COIL: variants seen among roughly 807,000 people sequenced by gnomAD.
The protein encoded by COIL is coilin.
In COIL, 28 loss-of-function variants were observed where a neutral mutation model predicts 51.6. The observed-to-expected ratio is 0.54, with a 90% CI of 0.40 to 0.74. COIL has a LOEUF of 0.74. COIL is among the 30% of genes least tolerant of loss of function. The probability of loss-of-function intolerance (pLI) is 0.00; values close to 1 mark genes in which losing one functional copy is unlikely to be tolerated. For missense variants in COIL, 667 were observed against 685.9 expected, an observed-to-expected ratio of 0.97 and a Z score of 0.31; for synonymous variants, 233 against 255.8, an observed-to-expected ratio of 0.91 and a Z score of 0.85.
intron 5 of COIL, among the ~76,000 whole-genome samples, chr17:56,945,020 T>TAAACAAAC (rs56914949): frequency 2.2e-5 from 3 of 139,326 alleles, no homozygotes; most frequent in East Asian, 2.2e-4. Flanking sequence ...GTCTCAAAAA[T>TAAACAAAC]AAACAAACAA....
Position 56,938,988 on chromosome 17 carries a change from C to T in COIL, c.*83G>A, listed in dbSNP as rs1755870989. The stretch of plus-strand genomic sequence containing the variant: ...AAAAAATCCATACAACTTCCAAATC[C>T]TCTTTAAAAAAAAAAAAAAGTTTGG... On this transcript the variant is annotated 3_prime_UTR_variant, in exon 7 of 7. Coordinates refer to ENST00000240316, the MANE Select transcript of COIL (RefSeq NM_004645.3). 1.4e-6 allele frequency: 1 copy of T among 718,342 alleles called. No homozygotes were observed. The highest frequency in any genetic ancestry group is 2.4e-6 in the Non-Finnish European group (1 of 423,550). 44.5% of individuals were successfully genotyped at this position (718,342 alleles called of 1,614,324 possible).
At chr17:56,947,344 C>CA (rs1410721399) in intron 4 of COIL, among the ~76,000 whole-genome samples, 1 of 151,858 alleles carries the variant, frequency 6.6e-6, no homozygotes, top group African/African-American at 2.4e-5. Flanking sequence ...GAGGTCAAAG[C>CA]AAAAAAGTAG....
chr17:56,950,648 C>A lies in COIL; in HGVS notation c.594G>T (p.Lys198Asn). Residue 198 changes from lysine to asparagine, a missense_variant, in exon 2 of 7, where the codon AAG (lysine) becomes AAT (asparagine). Coordinates refer to ENST00000240316, the MANE Select transcript of COIL (RefSeq NM_004645.3). Reference sequence around the variant, plus strand: ...CCTGTACTTTCGGAGACTTGGGATTCTTAGCCTTTTTTTTATATTCACATT... The same window carrying A: ...CCTGTACTTTCGGAGACTTGGGATTATTAGCCTTTTTTTTATATTCACATT... ...KEKCEYKKKA[K>N]NPKSPKVQAV... 2 of 1,610,786 alleles carry A rather than the reference C, an allele frequency of 1.2e-6. No individual in the cohort carries two copies. Among genetic ancestry groups the A allele is most frequent in the South Asian group, 2.2e-5 (2 of 90,094 alleles).
chr17:56,953,222 T>C lies in COIL; in HGVS notation c.246-2226A>G, dbSNP rs529686502. On this transcript the variant is annotated intron_variant, in intron 1 of 6. Transcript: ENST00000240316. ...GTCAGGAGATCGAGACCATCCTGGC[T>C]AACACAGTGAAACCCCGTCTCTACT... Among the ~76,000 whole-genome samples the C allele has an allele frequency of 5.4e-4, 82 of 151,806 alleles. No homozygotes were observed. The East Asian group carries it at 0.011, about 21-fold the overall frequency.
intron 1 of COIL, among the ~76,000 whole-genome samples, chr17:56,955,533 C>T (rs755004490): frequency 2.0e-4 from 31 of 152,180 alleles, no homozygotes; most frequent in Non-Finnish European, 3.5e-4. Context: ...CCAAGGCCAA[C>T]GTGAATGCCT....
At chr17:56,951,097 T>A (rs1910362237) in intron 1 of COIL, 101 bp from the exon 2 acceptor site, 3 of 1,141,830 alleles carry the variant, frequency 2.6e-6, no homozygotes, top group Non-Finnish European at 3.6e-6. Flanking sequence ...GTAACTACCA[T>A]CAGTCAATGA....
At chr17:56,949,303 C>G in intron 4 of COIL, 84 bp downstream of exon 4, 1 of 1,062,186 alleles carries the variant, frequency 9.4e-7, no homozygotes, top group Non-Finnish European at 1.3e-6. Flanking sequence ...AAAAACAAAT[C>G]TGTATTATCC....
chr17:56,947,136 A>G (rs1910266126), intron 4 of COIL, among the ~76,000 whole-genome samples: 4 of 152,128 alleles, frequency 2.6e-5, no homozygotes, highest in Admixed American at 2.6e-4. Context: ...GGGGGTATAT[A>G]CTGAGAGGCC....
At chr17:56,953,163 G>GGC (rs1910405993) in intron 1 of COIL, among the ~76,000 whole-genome samples, 1 of 151,952 alleles carries the variant, frequency 6.6e-6, no homozygotes, top group Non-Finnish European at 1.5e-5. Flanking sequence ...TGTAATCCCA[G>GGC]CACTTTGGGA....
intron 4 of COIL, among the ~76,000 whole-genome samples, chr17:56,948,063 C>A (rs1413049488): frequency 6.6e-6 from 1 of 151,912 alleles, no homozygotes; most frequent in East Asian, 1.9e-4. Context: ...AAACAAAACA[C>A]CAACGACCTA....
At chr17:56,942,862 G>A (rs1350324800) in intron 5 of COIL, among the ~76,000 whole-genome samples, 1 of 152,120 alleles carries the variant, frequency 6.6e-6, no homozygotes, top group African/African-American at 2.4e-5. Context: ...AAATGACTGT[G>A]CAAGCTGAAA....
At chr17:56,957,639 T>A (rs118111544) in intron 1 of COIL, among the ~76,000 whole-genome samples, 5,980 of 151,670 alleles carry the variant, frequency 0.039, 137 homozygotes, top group Non-Finnish European at 0.053. Flanking sequence ...ATAAATAAAT[T>A]AATTAATTAA....
At position 56,950,171 on chromosome 17, in the gene COIL, C is replaced by T; in HGVS notation, c.1071G>A (p.Leu357=). The change falls in exon 2 of 7, where the codon CTG becomes CTA. Residue 357 remains leucine (L), a synonymous_variant. Coordinates refer to ENST00000240316, the MANE Select transcript of COIL (RefSeq NM_004645.3). ...FAGRGRPGPG[L]SSQTAGAAGW... is the part of the protein sequence containing the mutation. ...CAGCAGCACCTGCAGTCTGTGATGA[C>T]AGCCCTGGGCCTGGACGACCTCTTC... The T allele has an allele frequency of 6.2e-7, 1 of 1,614,194 alleles. No individual in the cohort carries two copies. The highest frequency in any genetic ancestry group is 8.5e-7 in the Non-Finnish European group (1 of 1,180,036).
At chr17:56,944,123 C>A (rs187677862) in intron 5 of COIL, among the ~76,000 whole-genome samples, 5 of 152,140 alleles carry the variant, frequency 3.3e-5, no homozygotes, top group Admixed American at 2.6e-4. Context: ...CACCTTCGCC[C>A]CCGAAGCCAT....
At chr17:56,949,164 C>A (rs889942224) in intron 4 of COIL, among the ~76,000 whole-genome samples, 1 of 152,082 alleles carries the variant, frequency 6.6e-6, no homozygotes, top group Non-Finnish European at 1.5e-5. Flanking sequence ...TTAAGCTCAT[C>A]ATTCTCCTAC....
At position 56,941,136 on chromosome 17, in the gene COIL, CAAAAAAAAAA is replaced by C. The variant is rs1204923329; in HGVS notation, c.1647+889_1647+898del. ...TGGGTGACAGAGCTAGACTCTGTCT[CAAAAAAAAAA>C]AAAAAAAAAAAAGGTATAAACCATA... is the stretch of plus-strand genomic sequence containing the variant. On this transcript the variant is annotated intron_variant, in intron 6 of 6. Transcript: ENST00000240316. The C allele has an allele frequency of 4.8e-4, 24 of 50,276 alleles. No homozygotes were observed. The East Asian group carries it at 0.015, about 31-fold the overall frequency. 3.1% of individuals were successfully genotyped at this position (50,276 alleles called of 1,614,324 possible).
In COIL at chr17:56,938,883, C is replaced by A. The variant is rs1910091762; in HGVS notation, c.*188G>T. 2.3e-6 allele frequency: 1 copy of A among 442,552 alleles called. No individual in the cohort carries two copies. Among genetic ancestry groups the A allele is most frequent in the Admixed American group, 4.2e-5 (1 of 23,554 alleles). 27.4% of individuals were successfully genotyped at this position (442,552 alleles called of 1,614,324 possible). A position where few individuals can be genotyped will look rare whatever the true frequency, so the allele number is the denominator to read the frequency against. The stretch of plus-strand genomic sequence containing the variant: ...CTGAAATTAAACCTGACAAAAAAAC[C>A]AAAGATCTACAAAACCGACACCCAT... On this transcript the variant is annotated 3_prime_UTR_variant, in exon 7 of 7. Coordinates refer to ENST00000240316, the MANE Select transcript of COIL (RefSeq NM_004645.3).
At chr17:56,951,139 T>C in intron 1 of COIL, 143 bp from the exon 2 acceptor site, 1 of 818,514 alleles carries the variant, frequency 1.2e-6, no homozygotes, top group Admixed American at 3.4e-5. Flanking sequence ...GACAAAAGAC[T>C]CTTTCTGGCA....
intron 1 of COIL, among the ~76,000 whole-genome samples, chr17:56,960,478 C>A (rs934039858): frequency 8.6e-5 from 13 of 151,284 alleles, no homozygotes; most frequent in Admixed American, 5.9e-4. Flanking sequence ...GAACCGAGAT[C>A]GCGCCACTGT....
Sources: allele counts gnomAD v4.1 joint callset (sites outside exome capture counted in the v4.1 genomes callset), GRCh38; gene constraint gnomAD v4.1.1; transcripts MANE v1.5; gene names NCBI Gene and HGNC (gene_info 2026-07-23, HGNC 2026-07-21).